NPAS3: variants seen among roughly 807,000 people sequenced by gnomAD.
The protein encoded by NPAS3 is neuronal PAS domain-containing protein 3.
NPAS3 carries 14 observed loss-of-function variants against 73.1 expected under a neutral mutation model. The observed-to-expected ratio is 0.19, with a 90% CI of 0.13 to 0.30. The LOEUF is 0.30. Among genes scored for constraint, NPAS3 ranks in the 10% least tolerant of loss-of-function variants. The probability of loss-of-function intolerance (pLI) is 1.00; values close to 1 mark genes in which losing one functional copy is unlikely to be tolerated. For synonymous variants in NPAS3, 620 were observed against 541.5 expected, an observed-to-expected ratio of 1.14 and a Z score of -2.01; for missense variants, 1,096 against 1,250.0, an observed-to-expected ratio of 0.88 and a Z score of 1.86.
chr14:33,465,076 AGGTT>A (rs1338439686), intron 4 of NPAS3, among the ~76,000 whole-genome samples: 1 of 151,690 alleles, frequency 6.6e-6, no homozygotes, highest in Non-Finnish European at 1.5e-5. Flanking sequence ...AAATTCCCAA[AGGTT>A]TTTTTTTACT....
At chr14:33,421,633 T>C (rs1469062843) in intron 4 of NPAS3, among the ~76,000 whole-genome samples, 1 of 151,916 alleles carries the variant, frequency 6.6e-6, no homozygotes, top group East Asian at 1.9e-4. Flanking sequence ...GCTAGAAATT[T>C]AAAGGGTAGT....
intron 2 of NPAS3, among the ~76,000 whole-genome samples, chr14:33,126,310 G>T (rs1056410447): frequency 2.0e-5 from 3 of 152,146 alleles, no homozygotes; most frequent in African/African-American, 7.2e-5. Flanking sequence ...TTGATAGATG[G>T]TGTCTACTGC....
At chr14:33,527,638 A>C (rs1424624170) in intron 4 of NPAS3, among the ~76,000 whole-genome samples, 1 of 152,302 alleles carries the variant, frequency 6.6e-6, no homozygotes, top group South Asian at 2.1e-4. Flanking sequence ...TCATGTGAAA[A>C]TCAGGATTTA....
intron 4 of NPAS3, among the ~76,000 whole-genome samples, chr14:33,496,173 C>G (rs555047467): frequency 4.6e-5 from 7 of 152,008 alleles, no homozygotes; most frequent in Admixed American, 1.3e-4. Context: ...CTGAATAGAC[C>G]GATAACAAGT....
intron 2 of NPAS3, among the ~76,000 whole-genome samples, chr14:33,175,925 C>CA (rs1206130974): frequency 1.3e-5 from 2 of 151,588 alleles, no homozygotes; most frequent in Non-Finnish European, 2.9e-5. Context: ...ACAACAACAA[C>CA]AAAAAAAATC....
intron 4 of NPAS3, among the ~76,000 whole-genome samples, chr14:33,497,057 GACAA>G (rs1370455058): frequency 6.6e-6 from 1 of 152,038 alleles, no homozygotes; most frequent in Non-Finnish European, 1.5e-5. Flanking sequence ...ACCAATAACA[GACAA>G]ACAGAGAGCC....
chr14:33,486,072 C>T (rs1240393840), intron 4 of NPAS3, among the ~76,000 whole-genome samples: 2 of 152,072 alleles, frequency 1.3e-5, no homozygotes, highest in Non-Finnish European at 2.9e-5. Context: ...AATAACCAGG[C>T]CTCACTGTAT....
chr14:33,797,646 C>T (rs2063551818), intron 11 of NPAS3, 65 bp downstream of exon 11: 1 of 1,545,998 alleles, frequency 6.5e-7, no homozygotes, highest in Non-Finnish European at 8.9e-7. Context: ...GGGTGGGCAA[C>T]AGCCAGAGGG....
intron 2 of NPAS3, among the ~76,000 whole-genome samples, chr14:33,106,739 G>A (rs191287639): frequency 5.3e-5 from 8 of 152,154 alleles, no homozygotes; most frequent in Admixed American, 2.6e-4. Flanking sequence ...TCTACTTACC[G>A]CAGAACTGAT....
chr14:33,693,533 A>C (rs1463191931), intron 6 of NPAS3, among the ~76,000 whole-genome samples: 1 of 152,192 alleles, frequency 6.6e-6, no homozygotes, highest in African/African-American at 2.4e-5. Context: ...AACTCAGTCA[A>C]CCTTATTGTA....
chr14:33,553,030 T>C (rs2055191512), intron 4 of NPAS3, among the ~76,000 whole-genome samples: 2 of 152,192 alleles, frequency 1.3e-5, no homozygotes, highest in South Asian at 4.1e-4. Flanking sequence ...TCACCTGTGC[T>C]CCAAATGGAG....
chr14:33,479,925 A>T (rs1281277827), intron 4 of NPAS3, among the ~76,000 whole-genome samples: 1 of 152,086 alleles, frequency 6.6e-6, no homozygotes, highest in Non-Finnish European at 1.5e-5. Context: ...TAAAAAAAAA[A>T]GTATGGGAAA....
At chr14:33,734,845 T>G (rs188431804) in intron 6 of NPAS3, among the ~76,000 whole-genome samples, 1 of 152,240 alleles carries the variant, frequency 6.6e-6, no homozygotes, top group East Asian at 1.9e-4. Context: ...CATCTCTGCC[T>G]GTACCTTAGT....
chr14:33,540,184 T>C (rs2054447139), intron 4 of NPAS3, among the ~76,000 whole-genome samples: 1 of 152,244 alleles, frequency 6.6e-6, no homozygotes, highest in Admixed American at 6.5e-5. Context: ...GGATGTGACC[T>C]CACAGCAATT....
intron 4 of NPAS3, among the ~76,000 whole-genome samples, chr14:33,397,095 CTCTT>C (rs1482699619): frequency 6.6e-6 from 1 of 152,066 alleles, no homozygotes; most frequent in African/African-American, 2.4e-5. Context: ...ATTAAGAAGG[CTCTT>C]TCTTAGCTTT....
intron 2 of NPAS3, among the ~76,000 whole-genome samples, chr14:33,166,732 A>G (rs1169079841): frequency 6.6e-6 from 1 of 152,146 alleles, no homozygotes; most frequent in East Asian, 1.9e-4. Flanking sequence ...TGAATGGCAA[A>G]TGGGATGAGA....
At chr14:33,435,596 T>G (rs746172865) in intron 4 of NPAS3, among the ~76,000 whole-genome samples, 4 of 152,256 alleles carry the variant, frequency 2.6e-5, no homozygotes, top group Non-Finnish European at 5.9e-5. Context: ...CCATTCATGT[T>G]AAATGATGAT....
chr14:33,311,952 G>T (rs925726031), intron 3 of NPAS3, among the ~76,000 whole-genome samples: 4 of 152,080 alleles, frequency 2.6e-5, no homozygotes, highest in African/African-American at 9.7e-5. Flanking sequence ...TTTGGAGAAG[G>T]TTGAATAGTT....
intron 6 of NPAS3, among the ~76,000 whole-genome samples, chr14:33,690,887 AAC>A (rs1555314578): frequency 2.6e-5 from 4 of 151,592 alleles, no homozygotes; most frequent in East Asian, 3.9e-4. Context: ...AAAAAAAAAA[AAC>A]GATTCGTTAA....
Sources: allele counts gnomAD v4.1 joint callset (sites outside exome capture counted in the v4.1 genomes callset), GRCh38; gene constraint gnomAD v4.1.1; transcripts MANE v1.5; gene names NCBI Gene and HGNC (gene_info 2026-07-23, HGNC 2026-07-21).